Variants in B4GALT6 observed in about 807,000 individuals in gnomAD.
B4GALT6 encodes the protein UDP-Gal:beta-GlcNAc beta-1,4-galactosyltransferase 6.
Under a neutral mutation model 46.3 loss-of-function variants are expected in B4GALT6, and 14 were observed. The ratio of observed to expected loss-of-function variants is 0.30; its 90% CI spans 0.20 to 0.47. B4GALT6 has a LOEUF of 0.47. Ranked by LOEUF, B4GALT6 falls within the 20% of genes least tolerant of loss-of-function variation. The pLI is 0.99. For synonymous variants in B4GALT6, 168 were observed against 162.0 expected (o/e 1.04, Z -0.28); for missense variants, 386 against 480.1 (o/e 0.80, Z 1.83).
intron 2 of B4GALT6, among the ~76,000 whole-genome samples, chr18:31,659,553 C>T (rs2074186243): frequency 6.6e-6 from 1 of 152,164 alleles, no homozygotes; most frequent in African/African-American, 2.4e-5. Context: ...GGTCCAATTC[C>T]AAAGAAGTGC....
the B4GALT6 span, among the ~76,000 whole-genome samples, chr18:31,720,128 GCCTATGC>G: frequency 2.0e-5 from 3 of 152,350 alleles, no homozygotes; most frequent in East Asian, 5.8e-4. Context: ...AGTTAGTTTG[GCCTATGC>G]CCAGGAATGA....
At chr18:31,706,713 A>G in the B4GALT6 span, among the ~76,000 whole-genome samples, 1 of 152,246 alleles carries the variant, frequency 6.6e-6, no homozygotes, top group Non-Finnish European at 1.5e-5. Flanking sequence ...TTAATGTTTT[A>G]TAGCAAAATG....
the B4GALT6 span, among the ~76,000 whole-genome samples, chr18:31,694,275 A>G: frequency 1.3e-5 from 2 of 152,250 alleles, no homozygotes; most frequent in Admixed American, 6.5e-5. Context: ...TTCCTTCAGG[A>G]AGATGTAAAC....
chr18:31,702,336 A>G, the B4GALT6 span, among the ~76,000 whole-genome samples: 35 of 152,336 alleles, frequency 2.3e-4, 1 homozygote, highest in Non-Finnish European at 4.3e-4. Context: ...ACAGGGATCT[A>G]TGTTTGCAGT....
intron 6 of B4GALT6, among the ~76,000 whole-genome samples, chr18:31,627,852 T>C (rs1462259816): frequency 6.6e-6 from 1 of 152,220 alleles, no homozygotes; most frequent in Non-Finnish European, 1.5e-5. Context: ...TTCTGACATT[T>C]AGGCAGCATC....
chr18:31,633,472 C>T (rs974817057), intron 5 of B4GALT6, among the ~76,000 whole-genome samples: 1 of 152,180 alleles, frequency 6.6e-6, no homozygotes, highest in Admixed American at 6.5e-5. Context: ...GCATGGAGAA[C>T]TGGTCTTCAA....
intron 3 of B4GALT6, among the ~76,000 whole-genome samples, chr18:31,655,307 C>T (rs1244068120): frequency 2.6e-5 from 4 of 152,224 alleles, no homozygotes; most frequent in Admixed American, 2.6e-4. Context: ...CCACGGCCAC[C>T]ACTAATTGGG....
intron 3 of B4GALT6, among the ~76,000 whole-genome samples, chr18:31,649,571 T>A (rs1188210706): frequency 3.6e-4 from 18 of 50,560 alleles, no homozygotes; most frequent in East Asian, 9.0e-4. Context: ...CATTAAAAAA[T>A]GAGCAAAAAA....
chr18:31,635,654 A>G (rs936190278), intron 5 of B4GALT6, among the ~76,000 whole-genome samples: 1 of 152,152 alleles, frequency 6.6e-6, no homozygotes, highest in African/African-American at 2.4e-5. Flanking sequence ...TAAAAATTTG[A>G]GTATTTTCCA....
At chr18:31,631,288 G>A (rs1167692264) in intron 5 of B4GALT6, 142 bp from the exon 6 acceptor site, 10 of 845,982 alleles carry the variant, frequency 1.2e-5, no homozygotes, top group Middle Eastern at 3.7e-4. Flanking sequence ...TACTGACCTC[G>A]TGATCCACCC....
chr18:31,684,146 G>A (rs948202239), intron 1 of B4GALT6, among the ~76,000 whole-genome samples, 166 bp downstream of exon 1: 1 of 152,082 alleles, frequency 6.6e-6, no homozygotes, highest in South Asian at 2.1e-4. Flanking sequence ...ACATACCAAA[G>A]CCATGCCCTG....
Position 31,684,330 on chromosome 18 carries a change from AGATG to A in B4GALT6, c.93_96del (p.Ile32MetfsTer19). 6.2e-7 allele frequency: 1 copy of A among 1,613,698 alleles called. No homozygotes were observed. Among genetic ancestry groups the A allele is most frequent in the Non-Finnish European group, 8.5e-7 (1 of 1,179,812 alleles). On this transcript the variant is annotated frameshift_variant, in exon 1 of 9. Transcript: ENST00000306851. LOFTEE classifies it high-confidence loss of function. ...TGCTTACCGATGCCTGGGGCCACAT[AGATG>A]AAGTACAGACAGGACGAAGAGAGGG...
At chr18:31,661,314 C>T (rs1335473109) in intron 2 of B4GALT6, among the ~76,000 whole-genome samples, 1 of 152,126 alleles carries the variant, frequency 6.6e-6, no homozygotes, top group South Asian at 2.1e-4. Context: ...AATCAAGAGA[C>T]AGCAGGATAG....
At chr18:31,681,431 T>C (rs1358904620) in intron 1 of B4GALT6, among the ~76,000 whole-genome samples, 1 of 152,218 alleles carries the variant, frequency 6.6e-6, no homozygotes, top group Non-Finnish European at 1.5e-5. Context: ...GTGTCTGCCA[T>C]CCAGTTTCCC....
At chr18:31,687,111 G>T (rs2029956903), upstream of B4GALT6, among the ~76,000 whole-genome samples, 1 of 152,178 alleles carries the variant, frequency 6.6e-6, no homozygotes, top group Non-Finnish European at 1.5e-5. Context: ...TGTTCGGCAA[G>T]TGTCCCCCAC....
intron 3 of B4GALT6, among the ~76,000 whole-genome samples, chr18:31,653,252 A>G (rs1164587350): frequency 1.3e-5 from 2 of 149,374 alleles, no homozygotes; most frequent in Admixed American, 1.3e-4. Context: ...CACTTAACAC[A>G]CCCTCTCTGG....
the B4GALT6 span, chr18:31,724,290 C>T: frequency 9.2e-6 from 4 of 434,826 alleles, no homozygotes; most frequent in East Asian, 8.0e-5. Context: ...CTGGGCCCCA[C>T]GGGCCCCTCC....
chr18:31,681,083 G>A (rs1281928953), intron 1 of B4GALT6, among the ~76,000 whole-genome samples: 2 of 147,748 alleles, frequency 1.4e-5, no homozygotes, highest in Admixed American at 1.4e-4. Context: ...TATGACGGAA[G>A]AAAATGAGCC....
At chr18:31,648,302 C>T (rs2074017827) in intron 3 of B4GALT6, among the ~76,000 whole-genome samples, 1 of 152,170 alleles carries the variant, frequency 6.6e-6, no homozygotes, top group East Asian at 1.9e-4. Flanking sequence ...TGACTGAAAT[C>T]CATTTACCCA....
Sources: gnomAD v4.1 joint callset for allele counts (sites outside exome capture counted in the v4.1 genomes callset) on GRCh38, gnomAD v4.1.1 for gene constraint, MANE v1.5 for transcripts, NCBI Gene and HGNC (gene_info 2026-07-23, HGNC 2026-07-21) for gene names.